The following LAMA1 variants were observed in gnomAD, a reference collection of about 807,000 sequenced individuals.
The protein encoded by LAMA1 is laminin subunit alpha 1, also known as laminin subunit alpha-1.
LAMA1 carries 219 observed loss-of-function variants against 348.7 expected under a neutral mutation model. The ratio of observed to expected loss-of-function variants is 0.63; its 90% CI spans 0.56 to 0.70. The LOEUF is 0.70. Among genes scored for constraint, LAMA1 ranks in the 30% least tolerant of loss-of-function variants. The pLI is 0.00. For synonymous variants in LAMA1, 1,487 were observed against 1,491.0 expected (o/e 1.00, Z 0.06); for missense variants, 3,744 against 3,888.0 (o/e 0.96, Z 0.99).
At chr18:7,009,148 ATAG>A (rs2057846924) in intron 27 of LAMA1, 88 bp downstream of exon 27, 4 of 1,370,628 alleles carry the variant, frequency 2.9e-6, no homozygotes. Context: ...ATTAATAAAA[ATAG>A]TAGGTAATGG....
chr18:7,026,799 A>G (rs1598286658), intron 16 of LAMA1, among the ~76,000 whole-genome samples: 1 of 152,200 alleles, frequency 6.6e-6, no homozygotes, highest in East Asian at 1.9e-4. Context: ...AGATCAACAC[A>G]ACCCTGGCTA....
chr18:6,943,093 T>C (rs2057506616), intron 62 of LAMA1, 87 bp downstream of exon 62: 1 of 1,132,950 alleles, frequency 8.8e-7, no homozygotes, highest in African/African-American at 1.5e-5. Context: ...TGTACCTTTC[T>C]CAATCCCTAT....
At chr18:6,948,333 C>T (rs940464381) in intron 60 of LAMA1, 70 bp downstream of exon 60, 18 of 1,597,228 alleles carry the variant, frequency 1.1e-5, no homozygotes, top group Middle Eastern at 1.6e-4. Context: ...GTCTTATACT[C>T]TTGGATCCAC....
intron 1 of LAMA1, among the ~76,000 whole-genome samples, chr18:7,098,320 A>T (rs1568067388): frequency 6.9e-6 from 1 of 145,940 alleles, no homozygotes; most frequent in African/African-American, 2.6e-5. Flanking sequence ...ATCGTCTGGG[A>T]TGTGAGGAGC....
intron 36 of LAMA1, among the ~76,000 whole-genome samples, chr18:6,992,077 A>G (rs2057761296): frequency 6.6e-6 from 1 of 152,250 alleles, no homozygotes; most frequent in Non-Finnish European, 1.5e-5. Context: ...TTGTGACTGT[A>G]TGTAAGAATG....
intron 1 of LAMA1, among the ~76,000 whole-genome samples, chr18:7,104,678 T>A (rs2058305043): frequency 1.3e-5 from 2 of 152,222 alleles, no homozygotes; most frequent in African/African-American, 2.4e-5. Context: ...GAGAATGAGA[T>A]GCCATTGAAG....
chr18:7,032,905 G>C, intron 15 of LAMA1, 79 bp downstream of exon 15: 2 of 1,062,062 alleles, frequency 1.9e-6, no homozygotes, highest in East Asian at 5.2e-5. Context: ...TCAAATGTTT[G>C]CCATGACATC....
Position 7,007,122 on chromosome 18 carries a change from C to T in LAMA1, c.4260+17G>A. 1 of 1,613,488 alleles carries T rather than the reference C, an allele frequency of 6.2e-7. No homozygotes were observed. The highest frequency in any genetic ancestry group is 8.5e-7 in the Non-Finnish European group (1 of 1,179,816). On this transcript the variant is annotated intron_variant, in intron 29 of 62. Coordinates refer to ENST00000389658, the MANE Select transcript of LAMA1 (RefSeq NM_005559.4). ...TTACTTCTAAACTCAGGCAAGCACC[C>T]CCACAAACCAGCATACCAGACACTT...
At chr18:6,979,782 C>T (rs1001754683) in intron 42 of LAMA1, among the ~76,000 whole-genome samples, 6 of 151,886 alleles carry the variant, frequency 4.0e-5, no homozygotes, top group East Asian at 1.9e-4. Context: ...GCCTGTAGTC[C>T]CAGCTACTCG....
intron 3 of LAMA1, among the ~76,000 whole-genome samples, chr18:7,069,068 G>T (rs534730828): frequency 6.6e-6 from 1 of 152,284 alleles, no homozygotes; most frequent in South Asian, 2.1e-4. Flanking sequence ...AGGAAGCCCT[G>T]CTGGGTAGAA....
chr18:6,999,316 A>G (rs525394), intron 32 of LAMA1, 129 bp downstream of exon 32: 297,048 of 946,614 alleles, frequency 0.31, 49,569 homozygotes, highest in African/African-American at 0.53. Context: ...CTATGCTTAG[A>G]AAATAAGAAA....
At chr18:6,968,760 AAT>A (rs2057645097) in intron 48 of LAMA1, among the ~76,000 whole-genome samples, 1 of 152,236 alleles carries the variant, frequency 6.6e-6, no homozygotes, top group African/African-American at 2.4e-5. Context: ...CAAGTGTAAT[AAT>A]ATATTCAAGG....
At chr18:6,971,607 A>G (rs2057658634) in intron 48 of LAMA1, among the ~76,000 whole-genome samples, 1 of 152,172 alleles carries the variant, frequency 6.6e-6, no homozygotes, top group African/African-American at 2.4e-5. Flanking sequence ...ACTAATCTAC[A>G]TTATATCATC....
At chr18:7,101,595 C>G (rs2058291379) in intron 1 of LAMA1, among the ~76,000 whole-genome samples, 1 of 152,206 alleles carries the variant, frequency 6.6e-6, no homozygotes, top group African/African-American at 2.4e-5. Context: ...ATTGTAGGGA[C>G]TAACCAATCC....
At chr18:6,971,080 C>T (rs1033704047) in intron 48 of LAMA1, among the ~76,000 whole-genome samples, 4 of 152,122 alleles carry the variant, frequency 2.6e-5, no homozygotes, top group African/African-American at 9.7e-5. Context: ...GACAGAGCAG[C>T]CCATTAGACA....
At chr18:6,981,183 T>C (rs1188877205) in intron 41 of LAMA1, among the ~76,000 whole-genome samples, 1 of 152,188 alleles carries the variant, frequency 6.6e-6, no homozygotes, top group African/African-American at 2.4e-5. Flanking sequence ...ACTTTTTCAC[T>C]AATATTTCTA....
intron 1 of LAMA1, among the ~76,000 whole-genome samples, chr18:7,101,086 C>T (rs1226448819): frequency 6.6e-6 from 1 of 152,038 alleles, no homozygotes; most frequent in Non-Finnish European, 1.5e-5. Flanking sequence ...CAGGCACTTC[C>T]CAAAGTACAG....
rs1213409844 is a variant in LAMA1, at chr18:7,021,829, AT to A, written c.2701+1334del. ...TATATTATATAATATATATTATATAATATAATAATATATTATATTATATTAT... is the reference window on the plus strand; with the variant it reads ...TATATTATATAATATATATTATATAAATAATAATATATTATATTATATTAT... On this transcript the variant is annotated intron_variant, in intron 19 of 62. Transcript: ENST00000389658. Among the ~76,000 whole-genome samples the A allele has an allele frequency of 2.6e-3, 157 of 61,494 alleles. 4 individuals are homozygous for A. The highest frequency in any genetic ancestry group is 0.019 in the African/African-American group (149 of 7,660). The allele number at this position is 61,494 out of a possible 152,430, so 40.3% of individuals were successfully genotyped here.
In LAMA1 at chr18:6,999,543, TCA is replaced by T. The variant is rs1399936069; in HGVS notation, c.4563_4564del (p.Cys1521Ter). On this transcript the variant is annotated stop_gained and frameshift_variant, in exon 32 of 63. Coordinates refer to ENST00000389658, the MANE Select transcript of LAMA1 (RefSeq NM_005559.4). LOFTEE classifies it high-confidence loss of function. The stretch of plus-strand genomic sequence containing the variant: ...GCAAACGCACTGCCCAGATGTGCGG[TCA>T]CAGTCACCGTGGACAGAGCCGTGCG... The T allele has an allele frequency of 6.2e-7, 1 of 1,614,136 alleles. No homozygotes were observed. Among genetic ancestry groups the T allele is most frequent in the South Asian group, 1.1e-5 (1 of 91,080 alleles).
Sources: allele counts gnomAD v4.1 joint callset (sites outside exome capture counted in the v4.1 genomes callset), GRCh38; gene constraint gnomAD v4.1.1; transcripts MANE v1.5; gene names NCBI Gene and HGNC (gene_info 2026-07-23, HGNC 2026-07-21).